PITPNM1: variants seen among roughly 807,000 people sequenced by gnomAD.
The protein encoded by PITPNM1 is membrane-associated phosphatidylinositol transfer protein 1.
PITPNM1 carries 74 observed loss-of-function variants against 133.3 expected under a neutral mutation model. That is an observed-to-expected ratio of 0.56 (90% CI 0.46 to 0.67). The LOEUF (loss-of-function observed/expected upper bound fraction) is 0.67. Ranked by LOEUF, PITPNM1 falls within the 30% of genes least tolerant of loss-of-function variation. The pLI is 0.00. For missense variants in PITPNM1, 1,398 were observed against 1,739.5 expected (o/e 0.80, Z 3.49); for synonymous variants, 738 against 741.4 (o/e 1.00, Z 0.08).
Position 67,495,530 on chromosome 11 carries a change from G to A in PITPNM1, c.2390C>T (p.Ser797Phe), listed in dbSNP as rs1866091834. 6.3e-7 allele frequency: 1 copy of A among 1,590,512 alleles called. No individual in the cohort carries two copies. Among genetic ancestry groups the A allele is most frequent in the Non-Finnish European group, 8.5e-7 (1 of 1,171,230 alleles). ...GCCCTTCCAGAAGGCACCGCTAGTA[G>A]AGGTGGGTGTTGAGGGCACCAGCAT... ...LEMLVPSTPTSTSGAFWKGSE... is the reference protein window; with the variant it reads ...LEMLVPSTPTFTSGAFWKGSE... Residue 797 changes from serine to phenylalanine, a missense_variant, in exon 16 of 24, where the codon TCT becomes TTT. Ser to Phe is a radical substitution (Grantham distance 155, BLOSUM62 -2). This residue lies in a region of PITPNM1 where 574 missense variants were observed against 698.7 expected (regional missense o/e 0.82). Coordinates refer to ENST00000356404, the MANE Select transcript of PITPNM1 (RefSeq NM_004910.3).
chr11:67,501,521 T>C (rs913691409), intron 5 of PITPNM1, among the ~76,000 whole-genome samples: 5 of 152,218 alleles, frequency 3.3e-5, no homozygotes, highest in African/African-American at 1.2e-4. Context: ...AGCCTCAGCC[T>C]GCACTCCTTA....
chr11:67,492,854 A>G, intron 23 of PITPNM1, 80 bp downstream of exon 23: 1 of 1,512,000 alleles, frequency 6.6e-7, no homozygotes, highest in Non-Finnish European at 9.0e-7. Context: ...TCTTCCCCAG[A>G]GTCCGTGGTT....
In PITPNM1 at chr11:67,495,185, C is replaced by A. The variant is rs201518458; in HGVS notation, c.2523G>T (p.Ser841=). The change falls in exon 17 of 24, where the codon TCG becomes TCT. Residue 841 remains serine, a synonymous_variant. Transcript: ENST00000356404. ...RWWGTKRIDY[S]LYCPEALTAF... ...CGGTGAGCGCCTCGGGGCAGTACAG[C>A]GAGTAGTCGATCCGCTTGGTCCCCC... 3.1e-6 allele frequency: 5 copies of A among 1,608,868 alleles called. No individual in the cohort carries two copies. Among genetic ancestry groups the A allele is most frequent in the Non-Finnish European group, 3.4e-6 (4 of 1,178,044 alleles).
At chr11:67,495,038 GTCCCATTCTCATC>G (rs1565189252) in intron 17 of PITPNM1, 26 bp downstream of exon 17, 1 of 1,604,792 alleles carries the variant, frequency 6.2e-7, no homozygotes, top group Non-Finnish European at 8.5e-7. Context: ...GCCCATCCCC[GTCCCATTCTCATC>G]TCCCATTCCA....
At position 67,492,210 on chromosome 11, in the gene PITPNM1, G is replaced by T; in HGVS notation, c.3558C>A (p.Ala1186=). The T allele has an allele frequency of 6.2e-7, 1 of 1,610,756 alleles. No homozygotes were observed. Among genetic ancestry groups the T allele is most frequent in the Non-Finnish European group, 8.5e-7 (1 of 1,179,228 alleles). ...SHASSGPPRA[A]LGKSSYGVAA... ...CCACACCATAGCTGCTCTTGCCCAA[G>T]GCAGCTCTCGGGGGTCCCGAGGAGG... is the stretch of plus-strand genomic sequence containing the variant. The change falls in exon 24 of 24, where the codon GCC becomes GCA. Residue 1186 remains alanine (A), a synonymous_variant. Coordinates refer to ENST00000356404, the MANE Select transcript of PITPNM1 (RefSeq NM_004910.3).
Position 67,495,602 on chromosome 11 carries a change from G to T in PITPNM1, c.2318C>A (p.Ala773Asp). The change falls in exon 16 of 24, where the codon GCC becomes GAC. Residue 773 changes from alanine to aspartate, a missense_variant and splice_region_variant. This residue lies in a region of PITPNM1 where 574 missense variants were observed against 698.7 expected (regional missense o/e 0.82). Transcript: ENST00000356404. Reference sequence around the variant, plus strand: ...GCTGGAGTGCGTCTGCAGAGTGTCGGCTGGGGGAAGGAGGGCAAGGTCAGC... The same window carrying T: ...GCTGGAGTGCGTCTGCAGAGTGTCGTCTGGGGGAAGGAGGGCAAGGTCAGC... The part of the protein sequence containing the change: ...PLGDGSSLLL[A>D]DTLQTHSSLF... The T allele has an allele frequency of 6.4e-7, 1 of 1,563,678 alleles. No homozygotes were observed. Among genetic ancestry groups the T allele is most frequent in the Non-Finnish European group, 8.6e-7 (1 of 1,161,210 alleles).
Position 67,498,427 on chromosome 11 carries a change from G to T in PITPNM1, c.1485-105C>A. 1 of 1,394,366 alleles carries T rather than the reference G, an allele frequency of 7.2e-7. No homozygotes were observed. The highest frequency in any genetic ancestry group is 9.6e-7 in the Non-Finnish European group (1 of 1,044,052). The allele number at this position is 1,394,366 out of a possible 1,614,324, so 86.4% of individuals were successfully genotyped here. A position where few individuals can be genotyped will look rare whatever the true frequency, so the allele number is the denominator to read the frequency against. On this transcript the variant is annotated intron_variant, in intron 10 of 23. Coordinates refer to ENST00000356404, the MANE Select transcript of PITPNM1 (RefSeq NM_004910.3). The surrounding 1 kb of genome is among the most constrained non-coding windows in gnomAD (Gnocchi z 5.7). ...GGCCCTGGCTCTGTGGGTCCTCTGT[G>T]GGGAGCGTTAGCCCCAAGAGGCAAC...
At position 67,492,042 on chromosome 11, in the gene PITPNM1, G is replaced by C. The variant is rs1454659514; in HGVS notation, c.3726C>G (p.Ser1242Arg). 2.5e-6 allele frequency: 4 copies of C among 1,612,114 alleles called. No homozygotes were observed. Among genetic ancestry groups the C allele is most frequent in the Non-Finnish European group, 3.4e-6 (4 of 1,179,694 alleles). ...CAGGCTGGTGTGGGCCTCACTCCTC[G>C]CTGTCCAGCTTCAGGCTGATGCTCC... is the stretch of plus-strand genomic sequence containing the variant. ...KARSISLKLD[S>R]EE Residue 1242 changes from serine (S) to arginine (R), a missense_variant, in exon 24 of 24, where the codon AGC (serine) becomes AGG (arginine). Transcript: ENST00000356404.
chr11:67,497,228 C>T lies in PITPNM1; in HGVS notation c.2146+3G>A, dbSNP rs1339624382. ...AGGCGCCCCCGCAGCCCCTAGGACT[C>T]ACCCTCCAGGGCGGGCATCACAGTT... On this transcript the variant is annotated splice_donor_region_variant and intron_variant, in intron 14 of 23. Transcript: ENST00000356404. 1 of 1,600,392 alleles carries T rather than the reference C, an allele frequency of 6.2e-7. No homozygotes were observed. The highest frequency in any genetic ancestry group is 1.3e-5 in the African/African-American group (1 of 74,710).
At chr11:67,495,303 C>A in intron 16 of PITPNM1, 78 bp from the exon 17 acceptor site, 1 of 1,489,004 alleles carries the variant, frequency 6.7e-7, no homozygotes, top group South Asian at 1.3e-5. Flanking sequence ...CTCTTCCCTC[C>A]CCCCTTTTCA....
At chr11:67,493,276 T>G in intron 22 of PITPNM1, 134 bp downstream of exon 22, 2 of 1,110,722 alleles carry the variant, frequency 1.8e-6, no homozygotes, top group Non-Finnish European at 2.5e-6. Context: ...AGCAGGACCG[T>G]AGCGGGCCGC....
intron 23 of PITPNM1, 92 bp downstream of exon 23, chr11:67,492,842 C>T: frequency 6.8e-7 from 1 of 1,479,072 alleles, no homozygotes; most frequent in Non-Finnish European, 9.1e-7. Context: ...GGCCTTCTCA[C>T]ATCTTCCCCA....
chr11:67,493,791 C>A lies in PITPNM1; in HGVS notation c.3055G>T (p.Gly1019Cys). 1 of 1,549,880 alleles carries A rather than the reference C, an allele frequency of 6.5e-7. No individual in the cohort carries two copies. Among genetic ancestry groups the A allele is most frequent in the Non-Finnish European group, 8.7e-7 (1 of 1,147,722 alleles). The change falls in exon 21 of 24, where the codon GGC becomes TGC. Residue 1019 changes from glycine (G) to cysteine (C), a missense_variant. By Grantham distance (159) the Gly-to-Cys change is radical. Transcript: ENST00000356404. ...ATGCTGAAGACCACAGCCTCCGTGC[C>A]GCGGGCCACCACAGTCAGGCAGCAT... ...AECCLTVVAR[G>C]TEAVVFSIDG...
Position 67,502,602 on chromosome 11 carries a change from C to T in PITPNM1, c.195G>A (p.Val65=). ...SGQYTHKVYH[V]GSHIPGWFRA... is the part of the protein sequence containing the mutation. ...GGAACCAGCCTGGGATGTGGGAGCC[C>T]ACGTGGTACACCTTGTGTGTGTATT... The change falls in exon 3 of 24, where the codon GTG becomes GTA. Residue 65 remains valine, a synonymous_variant. Transcript: ENST00000356404. The surrounding 1 kb of genome is among the most constrained non-coding windows in gnomAD (Gnocchi z 5.9). 1 of 1,613,594 alleles carries T rather than the reference C, an allele frequency of 6.2e-7. No homozygotes were observed. The highest frequency in any genetic ancestry group is 8.5e-7 in the Non-Finnish European group (1 of 1,180,034).
In PITPNM1 at chr11:67,492,043, C is replaced by A; in HGVS notation, c.3725G>T (p.Ser1242Ile). 1 of 1,612,208 alleles carries A rather than the reference C, an allele frequency of 6.2e-7. No individual in the cohort carries two copies. The highest frequency in any genetic ancestry group is 8.5e-7 in the Non-Finnish European group (1 of 1,179,692). Residue 1242 changes from serine to isoleucine, a missense_variant, in exon 24 of 24, where the codon AGC becomes ATC. By Grantham distance (142) the Ser-to-Ile change is moderately radical. Around this residue, in one of 5 missense-constraint regions of PITPNM1, gnomAD observed 122 missense variants for 123.3 expected, o/e 0.99. Transcript: ENST00000356404. Reference sequence around the variant, plus strand: ...AGGCTGGTGTGGGCCTCACTCCTCGCTGTCCAGCTTCAGGCTGATGCTCCG... The same window carrying A: ...AGGCTGGTGTGGGCCTCACTCCTCGATGTCCAGCTTCAGGCTGATGCTCCG... Reference protein sequence around the residue: ...KARSISLKLDSEE With the variant: ...KARSISLKLDIEE
intron 8 of PITPNM1, among the ~76,000 whole-genome samples, chr11:67,499,333 C>T (rs2134308339): frequency 6.6e-6 from 1 of 151,876 alleles, no homozygotes; most frequent in Middle Eastern, 3.4e-3. Context: ...ACCTCAGTTC[C>T]TCAGTCACAC....
Position 67,500,220 on chromosome 11 carries a change from G to A in PITPNM1, c.842C>T (p.Ala281Val), listed in dbSNP as rs1206358918. Residue 281 changes from alanine (A) to valine (V), a missense_variant, in exon 6 of 24, where the codon GCG becomes GTG. Around this residue, in one of 5 missense-constraint regions of PITPNM1, gnomAD observed 195 missense variants for 178.8 expected, o/e 1.09. Transcript: ENST00000356404. ...PGKPSTEARS[A>V]ASNTGTPDGP... ...ATCGGGGGTGCCAGTGTTGCTGGCC[G>A]CAGACCGGGCCTCGGTGCTCGGTTT... 6.9e-6 allele frequency: 11 copies of A among 1,604,010 alleles called. No individual in the cohort carries two copies. Among genetic ancestry groups the A allele is most frequent in the East Asian group, 2.2e-5 (1 of 44,874 alleles).
rs1367403484 is a variant in PITPNM1, at chr11:67,502,404, G to A, written c.303C>T (p.Cys101=). 27 of 1,613,798 alleles carry A rather than the reference G, an allele frequency of 1.7e-5. No homozygotes were observed. The highest frequency in any genetic ancestry group is 2.2e-5 in the Non-Finnish European group (26 of 1,180,042). ...CAATGGAGAATTTCTCCACGAAAGG[G>A]CAGGTGTACCTGGGCAGAAGGCACG... is the stretch of plus-strand genomic sequence containing the variant. The part of the protein sequence containing the change: ...AYPYTRTRYT[C]PFVEKFSIEI... The change falls in exon 4 of 24, where the codon TGC becomes TGT. Residue 101 remains cysteine (C), a synonymous_variant. Transcript: ENST00000356404. The surrounding 1 kb of genome is among the most constrained non-coding windows in gnomAD (Gnocchi z 5.9).
rs1274626112 is a variant in PITPNM1 at position 67,497,425 on chromosome 11, GC to G, written c.1951del (p.Ala651ProfsTer60). On this transcript the variant is annotated frameshift_variant, in exon 14 of 24. Coordinates refer to ENST00000356404, the MANE Select transcript of PITPNM1 (RefSeq NM_004910.3). LOFTEE classifies it high-confidence loss of function. ...CTCCCAGGAGGAGGTGGTTGCGGGG[GC>G]TGCCTGAAGGCTGTGGGGGAGGAGG... Reference protein sequence around the residue: ...PEGSQNSLQAAPATTSSWEPR... With the variant: ...PEGSQNSLQAXPATTSSWEPR... The G allele has an allele frequency of 6.3e-7, 1 of 1,589,168 alleles. No individual in the cohort carries two copies.
Sources: gnomAD v4.1 joint callset for allele counts (sites outside exome capture counted in the v4.1 genomes callset) on GRCh38, gnomAD v4.1.1 for gene constraint, gnomAD v4.1.1 regional missense constraint, Gnocchi (gnomAD v3.1) non-coding constraint, MANE v1.5 for transcripts, NCBI Gene and HGNC (gene_info 2026-07-23, HGNC 2026-07-21) for gene names.